The following CALD1 variants were observed in gnomAD, a reference collection of about 807,000 sequenced individuals.
CALD1 encodes the protein caldesmon.
In CALD1, 33 loss-of-function variants were observed where a neutral mutation model predicts 99.9. That is an observed-to-expected ratio of 0.33 (90% CI 0.25 to 0.44). CALD1 has a LOEUF of 0.44. Ranked by LOEUF, CALD1 falls within the 20% of genes least tolerant of loss-of-function variation. The pLI is 1.00. For synonymous variants in CALD1, 310 were observed against 325.0 expected, an observed-to-expected ratio of 0.95 and a Z score of 0.50; for missense variants, 861 against 962.1, an observed-to-expected ratio of 0.89 and a Z score of 1.39.
intron 3 of CALD1, among the ~76,000 whole-genome samples, chr7:134,921,798 A>AAAAACAAAACAAAAC (rs199982116): frequency 6.9e-4 from 105 of 152,280 alleles, no homozygotes; most frequent in African/African-American, 2.4e-3. Flanking sequence ...TTCTGTCTCA[A>AAAAACAAAACAAAAC]AAAACAAAAC....
the CALD1 span, among the ~76,000 whole-genome samples, chr7:134,722,871 C>T: frequency 4.6e-5 from 7 of 152,132 alleles, no homozygotes; most frequent in African/African-American, 1.7e-4. Context: ...GTCAGCTTTT[C>T]TTTGAATTTA....
the CALD1 span, among the ~76,000 whole-genome samples, chr7:134,733,265 C>G: frequency 6.6e-6 from 1 of 152,154 alleles, no homozygotes; most frequent in African/African-American, 2.4e-5. Flanking sequence ...AGGGGAGGAG[C>G]CCCAGCAACA....
At chr7:134,821,463 G>A (rs1419097845) in intron 1 of CALD1, among the ~76,000 whole-genome samples, 1 of 151,858 alleles carries the variant, frequency 6.6e-6, no homozygotes, top group East Asian at 1.9e-4. Context: ...TATAATTTTA[G>A]AGATATCCAG....
chr7:134,941,231 C>T lies in CALD1; in HGVS notation c.1526C>T (p.Thr509Ile), dbSNP rs758198146. The T allele has an allele frequency of 2.8e-5, 44 of 1,594,058 alleles. No homozygotes were observed. The highest frequency in any genetic ancestry group is 3.5e-5 in the Non-Finnish European group (41 of 1,173,588). Reference protein sequence around the residue: ...MTHKLKHTENTFSRPGGRASV... With the variant: ...MTHKLKHTENIFSRPGGRASV... ...CACAAACTTAAACATACTGAGAATA[C>T]TTTCAGGTAAGAAGTAGCAACTAGT... The change falls in exon 7 of 15, where the codon ACT becomes ATT. Residue 509 changes from threonine to isoleucine, a missense_variant. Thr to Ile is a moderately conservative substitution (Grantham distance 89). Around this residue, in one of 5 missense-constraint regions of CALD1, gnomAD observed 293 missense variants for 262.7 expected, o/e 1.12. Transcript: ENST00000361675.
At chr7:134,872,687 GA>G (rs1026920517) in intron 3 of CALD1, among the ~76,000 whole-genome samples, 1 of 151,842 alleles carries the variant, frequency 6.6e-6, no homozygotes, top group African/African-American at 2.4e-5. Flanking sequence ...AAAAGAGGGA[GA>G]AAAAAAATTC....
At chr7:134,753,855 C>T (rs1562989129) in intron 1 of CALD1, among the ~76,000 whole-genome samples, 2 of 152,162 alleles carry the variant, frequency 1.3e-5, no homozygotes, top group South Asian at 2.1e-4. Flanking sequence ...GCTCTGACTC[C>T]AGAAATTTGT....
chr7:134,793,709 G>A (rs963786449), intron 1 of CALD1, among the ~76,000 whole-genome samples: 1 of 152,052 alleles, frequency 6.6e-6, no homozygotes, highest in Admixed American at 6.6e-5. Context: ...ATGCAGTCCC[G>A]AAGTGGGACT....
chr7:134,875,072 G>C (rs1023797570), intron 3 of CALD1, among the ~76,000 whole-genome samples: 3 of 152,154 alleles, frequency 2.0e-5, no homozygotes, highest in African/African-American at 4.8e-5. Context: ...AGTTAAATAC[G>C]ATATTCCTTT....
chr7:134,818,687 GATGGGTCATATTTCT>G (rs943951881), intron 1 of CALD1, among the ~76,000 whole-genome samples: 1 of 152,108 alleles, frequency 6.6e-6, no homozygotes, highest in Non-Finnish European at 1.5e-5. Context: ...GACTGAATTT[GATGGGTCATATTTCT>G]CTGCTCAGTA....
chr7:134,875,989 A>G (rs1801331225), intron 3 of CALD1, among the ~76,000 whole-genome samples: 1 of 152,222 alleles, frequency 6.6e-6, no homozygotes, highest in Non-Finnish European at 1.5e-5. Context: ...ACAGGGACTT[A>G]GTCACATCAT....
At chr7:134,857,226 T>C (rs1800347300) in intron 2 of CALD1, among the ~76,000 whole-genome samples, 1 of 134,646 alleles carries the variant, frequency 7.4e-6, no homozygotes, top group East Asian at 2.4e-4. Context: ...TGGAGTGCAG[T>C]GGCGCGATCT....
upstream of CALD1, among the ~76,000 whole-genome samples, chr7:134,740,671 A>G (rs1796585259): frequency 6.6e-6 from 1 of 152,198 alleles, no homozygotes; most frequent in Admixed American, 6.5e-5. Flanking sequence ...ACAGTGACAA[A>G]CTAGAGACTA....
intron 1 of CALD1, among the ~76,000 whole-genome samples, chr7:134,812,705 C>A (rs77959522): frequency 0.045 from 6,842 of 152,166 alleles, 225 homozygotes; most frequent in Middle Eastern, 0.1. Context: ...GTCAGTAGTT[C>A]AGCTTTGAAC....
intron 11 of CALD1, among the ~76,000 whole-genome samples, chr7:134,958,893 A>ATATATTTAAC (rs898460307): frequency 7.0e-6 from 1 of 142,174 alleles, no homozygotes; most frequent in Admixed American, 7.0e-5. Context: ...ATATATATAT[A>ATATATTTAAC]TATATATATA....
intron 1 of CALD1, among the ~76,000 whole-genome samples, chr7:134,772,356 A>T (rs2131633823): frequency 6.6e-6 from 1 of 152,256 alleles, no homozygotes. Flanking sequence ...CAGCCTCCCA[A>T]AATACTGGGA....
chr7:134,711,680 ATG>A, the CALD1 span, among the ~76,000 whole-genome samples: 3,129 of 109,272 alleles, frequency 0.029, 65 homozygotes, highest in African/African-American at 0.042. Flanking sequence ...ATATATATAT[ATG>A]TGTGTGTGTG....
At chr7:134,819,718 T>G (rs1215411087) in intron 1 of CALD1, among the ~76,000 whole-genome samples, 3 of 152,176 alleles carry the variant, frequency 2.0e-5, no homozygotes, top group Non-Finnish European at 4.4e-5. Context: ...ACGTAAACCC[T>G]CTAGCTCCTG....
rs180973719 is a variant in CALD1 at position 134,958,295 on chromosome 7, G to C, written c.2061+5G>C. On this transcript the variant is annotated splice_donor_5th_base_variant and intron_variant, in intron 11 of 14. Transcript: ENST00000361675. ...CAGTATACCAGTGCAATTGAGGTGA[G>C]AATTGTCCTCAGCGTTATGGTCCTG... 1.2e-6 allele frequency: 2 copies of C among 1,608,784 alleles called. No individual in the cohort carries two copies. Among genetic ancestry groups the C allele is most frequent in the African/African-American group, 2.7e-5 (2 of 74,848 alleles).
chr7:134,782,213 T>C (rs1481885539), intron 1 of CALD1, among the ~76,000 whole-genome samples: 1 of 152,220 alleles, frequency 6.6e-6, no homozygotes, highest in East Asian at 1.9e-4. Context: ...AGTTCCCCAT[T>C]TGCCTGTAGT....
Sources: allele counts gnomAD v4.1 joint callset (sites outside exome capture counted in the v4.1 genomes callset), GRCh38; gene constraint gnomAD v4.1.1; regional missense constraint gnomAD v4.1.1; transcripts MANE v1.5; gene names NCBI Gene and HGNC (gene_info 2026-07-23, HGNC 2026-07-21).